Variants in ALS2 observed in about 807,000 individuals in gnomAD.
ALS2 encodes the protein alsin.
ALS2 carries 117 observed loss-of-function variants against 203.4 expected under a neutral mutation model. That is an observed-to-expected ratio of 0.58 (90% CI 0.50 to 0.67). The LOEUF is 0.67. ALS2 is among the 30% of genes least tolerant of loss of function. ALS2 has a pLI of 0.00. For synonymous variants in ALS2, 718 were observed against 725.9 expected (o/e 0.99, Z 0.17); for missense variants, 1,715 against 1,989.4 (o/e 0.86, Z 2.62).
At chr2:201,726,974 C>T (rs1316776969) in intron 17 of ALS2, 108 bp from the exon 18 acceptor site, 9 of 1,048,004 alleles carry the variant, frequency 8.6e-6, no homozygotes, top group Non-Finnish European at 1.3e-5. Flanking sequence ...TGTCCTAATG[C>T]TTTTCTTATT....
At position 201,727,753 on chromosome 2, in the gene ALS2, G is replaced by C. The variant is rs1443017671; in HGVS notation, c.2864C>G (p.Pro955Arg). 6.4e-7 allele frequency: 1 copy of C among 1,551,718 alleles called. No homozygotes were observed. The highest frequency in any genetic ancestry group is 2.4e-5 in the East Asian group (1 of 40,910). Residue 955 changes from proline to arginine, a missense_variant, in exon 16 of 34, where the codon CCT becomes CGT. Physicochemically the swap from Pro to Arg is moderately radical, Grantham distance 103. Transcript: ENST00000264276. ...HAQFSTHHVF[P>R]LATLWAEPLS... ...TGGCTCTGCCCACAGCGTGGCCAGA[G>C]GGAAAACATGGTGCGTGGAGAACTG... is the stretch of plus-strand genomic sequence containing the variant.
Position 201,726,556 on chromosome 2 carries a change from T to C in ALS2, c.3183-7A>G, listed in dbSNP as rs1324182765. On this transcript the variant is annotated splice_polypyrimidine_tract_variant and splice_region_variant and intron_variant, in intron 18 of 33. Transcript: ENST00000264276. ...AGGCCACTTCAAAACCCCTCTGGAA[T>C]GCATAAGCAAAGAATAATGCATGTC... 6.2e-7 allele frequency: 1 copy of C among 1,613,800 alleles called. No individual in the cohort carries two copies. Among genetic ancestry groups the C allele is most frequent in the Non-Finnish European group, 8.5e-7 (1 of 1,179,648 alleles).
At chr2:201,775,525 A>C (rs1357588969) in intron 1 of ALS2, among the ~76,000 whole-genome samples, 1 of 152,198 alleles carries the variant, frequency 6.6e-6, no homozygotes, top group Non-Finnish European at 1.5e-5. Flanking sequence ...CCTTTGACTC[A>C]AACACCTGAC....
intron 4 of ALS2, 110 bp from the exon 5 acceptor site, chr2:201,757,869 A>C: frequency 1.1e-5 from 9 of 837,464 alleles, no homozygotes; most frequent in East Asian, 2.7e-5. Flanking sequence ...AAGAATCTAA[A>C]ACGACAGAAG....
Position 201,723,029 on chromosome 2 carries a change from A to C in ALS2, c.3702+14T>G, listed in dbSNP as rs1690910277. The C allele has an allele frequency of 1.3e-6, 2 of 1,576,162 alleles. No homozygotes were observed. Among genetic ancestry groups the C allele is most frequent in the Admixed American group, 3.6e-5 (2 of 56,126 alleles). On this transcript the variant is annotated intron_variant, in intron 23 of 33. Transcript: ENST00000264276. The stretch of plus-strand genomic sequence containing the variant: ...ATTTATTAGGGAGAAAAAAAAAGAA[A>C]GCTAGTTTCCAACCTTTCCACTAAG...
chr2:201,774,139 G>C (rs938893655), intron 1 of ALS2, among the ~76,000 whole-genome samples: 41 of 152,276 alleles, frequency 2.7e-4, no homozygotes, highest in Middle Eastern at 6.8e-3. Flanking sequence ...GAAAATGAAG[G>C]GTTTTCTTTT....
Position 201,761,837 on chromosome 2 carries a change from A to G in ALS2, c.176-19T>C, listed in dbSNP as rs756097187. On this transcript the variant is annotated intron_variant, in intron 3 of 33. Coordinates refer to ENST00000264276, the MANE Select transcript of ALS2 (RefSeq NM_020919.4). ...TCACCATCTGAAGGTTAAAAAAAAG[A>G]AAAAAGAAAAAAAAAAGGGTTAGTG... 5 of 1,611,754 alleles carry G rather than the reference A, an allele frequency of 3.1e-6. No individual in the cohort carries two copies. Among genetic ancestry groups the G allele is most frequent in the African/African-American group, 1.3e-5 (1 of 74,752 alleles).
intron 27 of ALS2, 100 bp from the exon 28 acceptor site, chr2:201,708,091 T>C (rs1689837539): frequency 9.0e-7 from 1 of 1,108,812 alleles, no homozygotes; most frequent in East Asian, 2.6e-5. Context: ...AGCTTTATTA[T>C]CAACTAAGTA....
chr2:201,748,398 A>G (rs1179122562), intron 8 of ALS2, among the ~76,000 whole-genome samples: 1 of 152,192 alleles, frequency 6.6e-6, no homozygotes, highest in African/African-American at 2.4e-5. Flanking sequence ...TTCACTTTTA[A>G]TTCTCACAGA....
intron 12 of ALS2, among the ~76,000 whole-genome samples, chr2:201,737,459 T>C (rs531774775): frequency 2.0e-5 from 3 of 152,314 alleles, no homozygotes; most frequent in Non-Finnish European, 1.5e-5. Context: ...TTTAACATTA[T>C]AAAAATTCCT....
rs374165702 is a variant in ALS2, at chr2:201,715,739, C to T, written c.3937G>A (p.Glu1313Lys). Residue 1313 changes from glutamate (E) to lysine (K), a missense_variant, in exon 25 of 34, where the codon GAA (glutamate) becomes AAA (lysine). Glu to Lys is a moderately conservative substitution (Grantham distance 56). Around this residue, in one of 3 missense-constraint regions of ALS2, gnomAD observed 1,227 missense variants for 1,413.5 expected, o/e 0.87. Coordinates refer to ENST00000264276, the MANE Select transcript of ALS2 (RefSeq NM_020919.4). ...QLGCEGPGQG[E>K]VWKAWDNIAV... ...ATATTGTCCCATGCTTTCCAAACTT[C>T]CCCTTGGCCTGGGCCCTCACAGCCC... The T allele has an allele frequency of 1.6e-5, 26 of 1,614,110 alleles. No individual in the cohort carries two copies. Among genetic ancestry groups the T allele is most frequent in the Non-Finnish European group, 2.1e-5 (25 of 1,180,048 alleles).
rs989902188 is a variant in ALS2, at chr2:201,707,759, T to C, written c.4403+110A>G. On this transcript the variant is annotated intron_variant, in intron 28 of 33. Coordinates refer to ENST00000264276, the MANE Select transcript of ALS2 (RefSeq NM_020919.4). ...CCTCCTGGCCCCAACCATATCATTT[T>C]AGAAATGAGGAAATAGATCTAGAGA... The C allele has an allele frequency of 2.8e-6, 4 of 1,443,916 alleles. No individual in the cohort carries two copies. The African/African-American group carries it at 4.2e-5, about 15-fold the overall frequency. The allele number at this position is 1,443,916 out of a possible 1,614,324, so 89.4% of individuals were successfully genotyped here.
At chr2:201,760,607 T>C (rs142577942) in intron 4 of ALS2, 44 of 1,244,148 alleles carry the variant, frequency 3.5e-5, no homozygotes, top group Middle Eastern at 3.2e-4. Flanking sequence ...AGAAAAAAAG[T>C]ACTAGCAAGA....
In ALS2 at chr2:201,759,859, TAC is replaced by T; in HGVS notation, c.1113+1020_1113+1021del. 5.1e-6 allele frequency: 5 copies of T among 985,350 alleles called. No individual in the cohort carries two copies. The African/African-American group carries it at 5.2e-5, about 10-fold the overall frequency. 61.0% of individuals were successfully genotyped at this position (985,350 alleles called of 1,614,324 possible). A position where few individuals can be genotyped will look rare whatever the true frequency, so the allele number is the denominator to read the frequency against. ...AGTATGATCTTTTGTTTTGTTTTCT[TAC>T]AGTTTTGGTAAAGCAAAATCAAAAG... On this transcript the variant is annotated intron_variant, in intron 4 of 33. Coordinates refer to ENST00000264276, the MANE Select transcript of ALS2 (RefSeq NM_020919.4).
At position 201,754,664 on chromosome 2, in the gene ALS2, G is replaced by C; in HGVS notation, c.1479C>G (p.Pro493=). 1.2e-6 allele frequency: 2 copies of C among 1,614,088 alleles called. No individual in the cohort carries two copies. Among genetic ancestry groups the C allele is most frequent in the Non-Finnish European group, 1.7e-6 (2 of 1,179,988 alleles). Residue 493 remains proline (P), a synonymous_variant, in exon 6 of 34, where the codon CCC becomes CCG. Coordinates refer to ENST00000264276, the MANE Select transcript of ALS2 (RefSeq NM_020919.4). ...SLPGLLSQVS[P]RLLRKAARVK... The stretch of plus-strand genomic sequence containing the variant: ...CCCGTGCAGCCTTTCTTAAGAGCCT[G>C]GGGGAAACTGAAAACCAACCAGACG...
intron 21 of ALS2, 86 bp downstream of exon 21, chr2:201,724,209 G>C: frequency 1.4e-6 from 2 of 1,429,060 alleles, no homozygotes; most frequent in East Asian, 2.3e-5. Flanking sequence ...CCATGAAAAA[G>C]ACAAAATAAG....
rs1559072448 is a variant in ALS2, at chr2:201,749,800, AAC to A, written c.1738-13_1738-12del. ...ACCCCATGAGTAAACCTATCAAAAA[AAC>A]ACAGAAAAGTAGCTAAGCGTTGTGA... On this transcript the variant is annotated splice_polypyrimidine_tract_variant and intron_variant, in intron 7 of 33. Coordinates refer to ENST00000264276, the MANE Select transcript of ALS2 (RefSeq NM_020919.4). 6.2e-7 allele frequency: 1 copy of A among 1,612,688 alleles called. No individual in the cohort carries two copies. The highest frequency in any genetic ancestry group is 1.1e-5 in the South Asian group (1 of 91,054).
At chr2:201,704,637 T>C in intron 31 of ALS2, 34 bp from the exon 32 acceptor site, 2 of 1,613,120 alleles carry the variant, frequency 1.2e-6, no homozygotes, top group African/African-American at 1.3e-5. Flanking sequence ...AGACATCCTA[T>C]AATTTTCTTA....
chr2:201,778,429 T>C (rs1436225785), intron 1 of ALS2: 1 of 152,102 alleles, frequency 6.6e-6, no homozygotes, highest in African/African-American at 2.4e-5. Context: ...AAATATTTTT[T>C]CCTCTACCCA....
Sources: gnomAD v4.1 joint callset for allele counts (sites outside exome capture counted in the v4.1 genomes callset) on GRCh38, gnomAD v4.1.1 for gene constraint, gnomAD v4.1.1 regional missense constraint, MANE v1.5 for transcripts, NCBI Gene and HGNC (gene_info 2026-07-23, HGNC 2026-07-21) for gene names.